The following HDAC9 variants were observed in gnomAD, a reference collection of about 807,000 sequenced individuals.
HDAC9 encodes the protein MEF-2 interacting transcription repressor (MITR) protein.
Under a neutral mutation model 139.4 loss-of-function variants are expected in HDAC9, and 41 were observed. The ratio of observed to expected loss-of-function variants is 0.29; its 90% CI spans 0.23 to 0.38. HDAC9 has a LOEUF of 0.38. Ranked by LOEUF, HDAC9 falls within the 10% of genes least tolerant of loss-of-function variation. HDAC9 has a pLI of 1.00. For synonymous variants in HDAC9, 517 were observed against 476.2 expected (o/e 1.09, Z -1.12); for missense variants, 1,147 against 1,297.0 (o/e 0.88, Z 1.78).
intron 6 of HDAC9, among the ~76,000 whole-genome samples, chr7:18,598,406 A>G (rs1833041032): frequency 6.6e-6 from 1 of 152,106 alleles, no homozygotes; most frequent in Admixed American, 6.6e-5. Flanking sequence ...TAGTTTTCTC[A>G]GAATTGAGAA....
chr7:18,528,781 C>G (rs1330074622), intron 2 of HDAC9, among the ~76,000 whole-genome samples: 1 of 152,044 alleles, frequency 6.6e-6, no homozygotes, highest in East Asian at 1.9e-4. Context: ...TATAGTTGAC[C>G]ATGTTTCAAC....
chr7:18,519,911 A>C (rs1450915203), intron 2 of HDAC9, among the ~76,000 whole-genome samples: 1 of 152,148 alleles, frequency 6.6e-6, no homozygotes, highest in Non-Finnish European at 1.5e-5. Flanking sequence ...TAATGTCTGA[A>C]GATATTAACA....
At chr7:18,616,044 G>A (rs189337314) in intron 6 of HDAC9, among the ~76,000 whole-genome samples, 3 of 152,272 alleles carry the variant, frequency 2.0e-5, no homozygotes, top group African/African-American at 7.2e-5. Context: ...GCTGTGGGCT[G>A]TCCCATCCTC....
intron 9 of HDAC9, among the ~76,000 whole-genome samples, chr7:18,645,115 G>GT (rs1304114417): frequency 5.9e-5 from 9 of 152,066 alleles, no homozygotes; most frequent in Non-Finnish European, 1.3e-4. Flanking sequence ...TACAGCCCAC[G>GT]TTTTTACAGA....
chr7:18,153,163 T>G (rs1786909181), intron 1 of HDAC9, among the ~76,000 whole-genome samples: 1 of 152,166 alleles, frequency 6.6e-6, no homozygotes, highest in African/African-American at 2.4e-5. Context: ...TGCAAGGGAT[T>G]CTGGAGAAAC....
intron 13 of HDAC9, among the ~76,000 whole-genome samples, chr7:18,742,097 T>C (rs1388615581): frequency 6.6e-6 from 1 of 152,186 alleles, no homozygotes; most frequent in Non-Finnish European, 1.5e-5. Context: ...TACATAAACT[T>C]AGTTGATAAA....
chr7:18,524,799 G>A (rs1186048457), intron 2 of HDAC9, among the ~76,000 whole-genome samples: 1 of 151,312 alleles, frequency 6.6e-6, no homozygotes, highest in East Asian at 1.9e-4. Flanking sequence ...CTGAGTTGAA[G>A]AGTAGATGGA....
At chr7:18,538,816 T>A (rs1315329002) in intron 2 of HDAC9, among the ~76,000 whole-genome samples, 1 of 152,190 alleles carries the variant, frequency 6.6e-6, no homozygotes, top group Non-Finnish European at 1.5e-5. Flanking sequence ...TCTACTTCTG[T>A]GTTAGAATGC....
intron 12 of HDAC9, among the ~76,000 whole-genome samples, chr7:18,719,708 C>A (rs973920825): frequency 2.6e-5 from 4 of 152,088 alleles, no homozygotes; most frequent in Non-Finnish European, 5.9e-5. Flanking sequence ...AAAAGTACTC[C>A]TCTATTTCGT....
intron 22 of HDAC9, among the ~76,000 whole-genome samples, chr7:18,926,357 T>C (rs1051271878): frequency 3.9e-5 from 6 of 152,110 alleles, no homozygotes; most frequent in Non-Finnish European, 7.4e-5. Context: ...CAAAAAAATG[T>C]ATAAATACTG....
intron 2 of HDAC9, among the ~76,000 whole-genome samples, chr7:18,211,969 TA>T (rs1181272521): frequency 5.9e-5 from 9 of 152,158 alleles, no homozygotes; most frequent in African/African-American, 2.2e-4. Flanking sequence ...GGATTAAGGA[TA>T]AAGAGAATTC....
intron 1 of HDAC9, among the ~76,000 whole-genome samples, chr7:18,481,996 C>G (rs1458514394): frequency 1.3e-5 from 2 of 152,122 alleles, no homozygotes; most frequent in Admixed American, 1.3e-4. Flanking sequence ...CAAGTCTTCA[C>G]TACCAGCATT....
At position 18,616,714 on chromosome 7, in the gene HDAC9, G is replaced by T. The variant is rs1293951994; in HGVS notation, c.665-12636G>T. On this transcript the variant is annotated intron_variant, in intron 6 of 25. Coordinates refer to ENST00000686413, the MANE Select transcript of HDAC9 (RefSeq NM_178425.4). ...AACAGATGCCCAGGTGACTTGGAAG[G>T]TTCTGAAACAGGACAAGAGCAGGAA... Among the ~76,000 whole-genome samples, 4 of 152,122 alleles carry T rather than the reference G, an allele frequency of 2.6e-5. No individual in the cohort carries two copies. In the East Asian group the frequency reaches 5.8e-4, roughly 22 times the overall value.
At chr7:18,170,321 T>C (rs185318779) in intron 2 of HDAC9, among the ~76,000 whole-genome samples, 1 of 152,314 alleles carries the variant, frequency 6.6e-6, no homozygotes, top group Admixed American at 6.5e-5. Flanking sequence ...GTTTTTTTTC[T>C]TGTAAATGTG....
intron 17 of HDAC9, among the ~76,000 whole-genome samples, chr7:18,808,847 A>G (rs777789223): frequency 1.3e-5 from 2 of 152,080 alleles, no homozygotes; most frequent in Non-Finnish European, 2.9e-5. Context: ...TTAAACAAAA[A>G]CGAAACACAA....
intron 2 of HDAC9, among the ~76,000 whole-genome samples, chr7:18,176,149 A>G (rs929609966): frequency 6.6e-6 from 1 of 152,224 alleles, no homozygotes; most frequent in Non-Finnish European, 1.5e-5. Context: ...AAAACTAGTC[A>G]TGAGTTTTGG....
intron 17 of HDAC9, among the ~76,000 whole-genome samples, chr7:18,812,892 C>A (rs2129192152): frequency 6.6e-6 from 1 of 151,970 alleles, no homozygotes; most frequent in South Asian, 2.1e-4. Context: ...TCTTTAAATT[C>A]TTTGTCCTTG....
intron 21 of HDAC9, among the ~76,000 whole-genome samples, chr7:18,862,015 C>G (rs2129234729): frequency 6.6e-6 from 1 of 152,228 alleles, no homozygotes; most frequent in East Asian, 1.9e-4. Flanking sequence ...GATATGGACT[C>G]ACAATGTCAC....
chr7:18,212,420 A>C (rs991508221), intron 2 of HDAC9, among the ~76,000 whole-genome samples: 3 of 152,190 alleles, frequency 2.0e-5, no homozygotes, highest in African/African-American at 7.2e-5. Flanking sequence ...CTTGTGGTTA[A>C]TATTAGCTCA....
Sources: allele counts gnomAD v4.1 joint callset (sites outside exome capture counted in the v4.1 genomes callset), GRCh38; gene constraint gnomAD v4.1.1; transcripts MANE v1.5; gene names NCBI Gene and HGNC (gene_info 2026-07-23, HGNC 2026-07-21).